The following GALC variants were observed in gnomAD, a reference collection of about 807,000 sequenced individuals.
The protein encoded by GALC is galactocerebrosidase.
GALC carries 77 observed loss-of-function variants against 91.8 expected under a neutral mutation model. That is an observed-to-expected ratio of 0.84 (90% CI 0.70 to 1.01). GALC has a LOEUF of 1.01. Among genes scored for constraint, GALC ranks in the 50% least tolerant of loss-of-function variants. The pLI is 0.00. For synonymous variants in GALC, 357 were observed against 306.7 expected, an observed-to-expected ratio of 1.16 and a Z score of -1.71; for missense variants, 882 against 855.9, an observed-to-expected ratio of 1.03 and a Z score of -0.38.
chr14:87,969,270 C>G (rs1452010412), intron 7 of GALC, among the ~76,000 whole-genome samples: 4 of 152,088 alleles, frequency 2.6e-5, no homozygotes, highest in African/African-American at 9.7e-5. Flanking sequence ...GCTAAACATC[C>G]TACAATGCAC....
chr14:87,977,047 G>GGGGA (rs1886529270), intron 6 of GALC, among the ~76,000 whole-genome samples: 1 of 135,872 alleles, frequency 7.4e-6, no homozygotes, highest in Non-Finnish European at 1.6e-5. Flanking sequence ...GGGGGGGGAT[G>GGGGA]AAACAAAAAT....
At chr14:87,984,979 G>A (rs75532120) in intron 4 of GALC, among the ~76,000 whole-genome samples, 17,208 of 152,142 alleles carry the variant, frequency 0.11, 1,142 homozygotes, top group Non-Finnish European at 0.16. Context: ...TCATTCAATT[G>A]TACATCTTCT....
chr14:87,972,816 A>T (rs1471004451), intron 7 of GALC, among the ~76,000 whole-genome samples: 2 of 152,158 alleles, frequency 1.3e-5, no homozygotes, highest in African/African-American at 4.8e-5. Flanking sequence ...AAATAAGACC[A>T]AAGTATAACT....
At chr14:87,945,492 TG>T (rs1456358541) in intron 14 of GALC, 60 bp downstream of exon 14, 1 of 1,238,884 alleles carries the variant, frequency 8.1e-7, no homozygotes, top group East Asian at 2.3e-5. Flanking sequence ...CACTTCAAAA[TG>T]TACCTGACAA....
At chr14:87,962,621 ACAC>A (rs1885856869) in intron 10 of GALC, among the ~76,000 whole-genome samples, 1 of 109,468 alleles carries the variant, frequency 9.1e-6, no homozygotes, top group African/African-American at 3.3e-5. Flanking sequence ...ACACACACAC[ACAC>A]CATTTTTTTA....
chr14:87,938,976 G>C (rs1436453627), intron 16 of GALC, among the ~76,000 whole-genome samples: 1 of 151,518 alleles, frequency 6.6e-6, no homozygotes, highest in Non-Finnish European at 1.5e-5. Flanking sequence ...AGAAAGAAGT[G>C]AACAGGCAAC....
At chr14:87,952,760 T>C (rs368224065) in intron 10 of GALC, 21 of 1,530,398 alleles carry the variant, frequency 1.4e-5, no homozygotes, top group African/African-American at 9.6e-5. Context: ...ATGTGAAAGA[T>C]TACTTTGTAC....
chr14:87,963,075 C>T (rs1885876471), intron 10 of GALC, among the ~76,000 whole-genome samples: 1 of 152,104 alleles, frequency 6.6e-6, no homozygotes, highest in African/African-American at 2.4e-5. Flanking sequence ...CCTCCATATA[C>T]ATATCAGGGC....
intron 1 of GALC, chr14:87,992,738 G>C (rs376438572): frequency 4.4e-5 from 62 of 1,421,478 alleles, no homozygotes; most frequent in Middle Eastern, 5.2e-4. Flanking sequence ...TGGACCTCCG[G>C]ATCCTCATTT....
rs1426071064 is a variant in GALC, at chr14:87,993,018, G to C, written c.147C>G (p.Asp49Glu). 3.9e-6 allele frequency: 6 copies of C among 1,545,574 alleles called. No homozygotes were observed. Among genetic ancestry groups the C allele is most frequent in the Non-Finnish European group, 5.2e-6 (6 of 1,151,726 alleles). ...PGGAYVLDDS[D>E]GLGREFDGIG... is the part of the protein sequence containing the mutation. ...TGCCGTCGAACTCCCGGCCCAGCCC[G>C]TCGGAGTCGTCGAGCACGTACGCGC... Residue 49 changes from aspartate to glutamate, a missense_variant, in exon 1 of 17, where the codon GAC becomes GAG. Transcript: ENST00000261304.
In GALC at chr14:87,939,954, C is replaced by A; in HGVS notation, c.1862G>T (p.Arg621Leu). 6.2e-7 allele frequency: 1 copy of A among 1,610,490 alleles called. No individual in the cohort carries two copies. The highest frequency in any genetic ancestry group is 8.5e-7 in the Non-Finnish European group (1 of 1,177,332). Residue 621 changes from arginine to leucine, a missense_variant, in exon 16 of 17, where the codon CGT becomes CTT. Arg to Leu is a moderately radical substitution (Grantham distance 102). Coordinates refer to ENST00000261304, the MANE Select transcript of GALC (RefSeq NM_000153.4). ...LAGWIIYALG[R>L]VEVTAKKWYT... ...CCATTTTTTTGCTGTAACTTCAACA[C>A]GTCCTAAAGCATATATAATCCATCC...
intron 10 of GALC, among the ~76,000 whole-genome samples, chr14:87,962,669 T>C (rs563747352): frequency 6.6e-6 from 1 of 151,752 alleles, no homozygotes; most frequent in Admixed American, 6.6e-5. Context: ...ATCTTGCTTC[T>C]CCCATGGGAA....
Position 87,984,398 on chromosome 14 carries a change from A to G in GALC, c.578T>C (p.Ile193Thr), listed in dbSNP as rs1555383498. Residue 193 changes from isoleucine (I) to threonine (T), a missense_variant, in exon 5 of 17, where the codon ATT (isoleucine) becomes ACT (threonine). Ile to Thr is a moderately conservative substitution (Grantham distance 89, BLOSUM62 -1). Transcript: ENST00000261304. ...KRYHDLDIDY[I>T]GIWNERSYNA... ...TATTTTAAATATATTACTAACTCCA[A>G]TATAATCAATGTCCAAATCATGGTA... 6.2e-7 allele frequency: 1 copy of G among 1,613,358 alleles called. No individual in the cohort carries two copies.
intron 6 of GALC, among the ~76,000 whole-genome samples, chr14:87,978,090 T>C (rs933489112): frequency 3.9e-5 from 6 of 152,212 alleles, no homozygotes; most frequent in Non-Finnish European, 8.8e-5. Flanking sequence ...TTCGCTCTTG[T>C]TGCCCAGGCT....
chr14:87,963,265 T>A, intron 10 of GALC, 119 bp downstream of exon 10: 2 of 1,064,086 alleles, frequency 1.9e-6, no homozygotes, highest in Non-Finnish European at 2.9e-6. Context: ...AGCCATAAGA[T>A]CTTGGCATCT....
chr14:87,976,381 G>A lies in GALC; in HGVS notation c.729C>T (p.Leu243=). Residue 243 remains leucine, a synonymous_variant, in exon 7 of 17, where the codon CTC becomes CTT. Coordinates refer to ENST00000261304, the MANE Select transcript of GALC (RefSeq NM_000153.4). ...ACCCTATAACATCAACCACCTTGAA[G>A]AGTTCGGCATCAAGGAGCATGGATG... ...ISASMLLDAE[L]FKVVDVIGAH... The A allele has an allele frequency of 6.2e-7, 1 of 1,614,078 alleles. No individual in the cohort carries two copies. The highest frequency in any genetic ancestry group is 8.5e-7 in the Non-Finnish European group (1 of 1,179,978).
intron 14 of GALC, among the ~76,000 whole-genome samples, chr14:87,944,367 C>G (rs80240831): frequency 2.0e-4 from 30 of 152,004 alleles, no homozygotes; most frequent in African/African-American, 7.2e-4. Context: ...GTTTCCTATA[C>G]GGCGACTTCA....
chr14:87,956,898 C>T (rs1307437552), intron 10 of GALC, among the ~76,000 whole-genome samples: 1 of 151,878 alleles, frequency 6.6e-6, no homozygotes, highest in Non-Finnish European at 1.5e-5. Flanking sequence ...GATAAGCATT[C>T]TCTTTTCACC....
Position 87,950,719 on chromosome 14 carries a change from T to C in GALC, c.1191A>G (p.Pro397=), listed in dbSNP as rs376181222. Residue 397 remains proline, a synonymous_variant, in exon 11 of 17, where the codon CCA becomes CCG. Coordinates refer to ENST00000261304, the MANE Select transcript of GALC (RefSeq NM_000153.4). ...MSHKHSKCIR[P]FLPYFNVSQQ... is the part of the protein sequence containing the mutation. ...GTGACACATTGAAATAAGGAAGAAA[T>C]GGCCGTATGCACTTAGAATGTTTAT... The C allele has an allele frequency of 3.4e-5, 55 of 1,604,588 alleles. No individual in the cohort carries two copies. The highest frequency in any genetic ancestry group is 4.7e-5 in the Non-Finnish European group (55 of 1,174,916).
Sources: allele counts gnomAD v4.1 joint callset (sites outside exome capture counted in the v4.1 genomes callset), GRCh38; gene constraint gnomAD v4.1.1; transcripts MANE v1.5; gene names NCBI Gene and HGNC (gene_info 2026-07-23, HGNC 2026-07-21).